NFAT5: variants seen among roughly 807,000 people sequenced by gnomAD.
The protein encoded by NFAT5 is nuclear factor of activated T-cells 5.
In NFAT5, 31 loss-of-function variants were observed where a neutral mutation model predicts 166.5. The observed-to-expected ratio is 0.19, with a 90% CI of 0.14 to 0.25. NFAT5 has a LOEUF of 0.25. NFAT5 is among the 10% of genes least tolerant of loss of function. NFAT5 has a pLI of 1.00. For missense variants in NFAT5, 1,449 were observed against 1,821.8 expected, an observed-to-expected ratio of 0.80 and a Z score of 3.72; for synonymous variants, 612 against 639.7, an observed-to-expected ratio of 0.96 and a Z score of 0.65.
chr16:69,668,047 AC>A (rs2036473616), intron 7 of NFAT5, among the ~76,000 whole-genome samples: 1 of 151,890 alleles, frequency 6.6e-6, no homozygotes, highest in South Asian at 2.1e-4. Context: ...GGTCACTGCA[AC>A]CTCTGCCTCC....
chr16:69,618,158 C>CA (rs549536024), intron 2 of NFAT5, among the ~76,000 whole-genome samples: 23,931 of 84,126 alleles, frequency 0.28, 2,266 homozygotes, highest in East Asian at 0.47. Flanking sequence ...AACTCCATCT[C>CA]AAAAAAAAAA....
intron 7 of NFAT5, among the ~76,000 whole-genome samples, chr16:69,668,447 A>G (rs1010461746): frequency 1.3e-5 from 2 of 152,188 alleles, no homozygotes; most frequent in Non-Finnish European, 2.9e-5. Context: ...ATTTCTTTGC[A>G]TATACATAAT....
intron 11 of NFAT5, among the ~76,000 whole-genome samples, chr16:69,687,655 G>T (rs1459193405): frequency 6.6e-6 from 1 of 152,002 alleles, no homozygotes; most frequent in Non-Finnish European, 1.5e-5. Context: ...TTCCAGAAAG[G>T]GGGAGAAGAT....
intron 10 of NFAT5, among the ~76,000 whole-genome samples, chr16:69,678,403 C>T (rs569246010): frequency 7.2e-5 from 11 of 151,836 alleles, no homozygotes; most frequent in Non-Finnish European, 7.4e-5. Flanking sequence ...TCAGTAGAGA[C>T]GAGGTTTCAC....
chr16:69,573,950 C>T (rs10852457), intron 2 of NFAT5, among the ~76,000 whole-genome samples: 38,695 of 150,252 alleles, frequency 0.26, 5,436 homozygotes, highest in East Asian at 0.45. Context: ...CTCAGCTCAC[C>T]GCAACTTCAC....
In NFAT5 at chr16:69,702,459, T is replaced by TTA. The variant is rs1426647867; in HGVS notation, c.*6108_*6109insTA. The TTA allele has an allele frequency of 6.6e-6, 1 of 152,264 alleles. No individual in the cohort carries two copies. Among genetic ancestry groups the TTA allele is most frequent in the Non-Finnish European group, 1.5e-5 (1 of 68,044 alleles). The allele number at this position is 152,264 out of a possible 1,614,324, so 9.4% of individuals were successfully genotyped here. A position where few individuals can be genotyped will look rare whatever the true frequency, so the allele number is the denominator to read the frequency against. Reference sequence around the variant, plus strand: ...AATTCATTAAAACCAGTTGTCTATATATTTTGTGCCATGTATATAAGAACA... The same window carrying TTA: ...AATTCATTAAAACCAGTTGTCTATATTAATTTTGTGCCATGTATATAAGAACA... On this transcript the variant is annotated 3_prime_UTR_variant, in exon 15 of 15. Coordinates refer to ENST00000349945, the MANE Select transcript of NFAT5 (RefSeq NM_138713.4).
intron 3 of NFAT5, among the ~76,000 whole-genome samples, chr16:69,634,333 A>G (rs2034859128): frequency 6.6e-6 from 1 of 151,688 alleles, no homozygotes; most frequent in African/African-American, 2.4e-5. Context: ...TTTTTTGAAT[A>G]TGAGTGGAAG....
At chr16:69,638,766 G>C (rs2151604914) in intron 3 of NFAT5, among the ~76,000 whole-genome samples, 1 of 149,290 alleles carries the variant, frequency 6.7e-6, no homozygotes, top group African/African-American at 2.4e-5. Context: ...TAAAAACATT[G>C]AAGTAGAATT....
intron 2 of NFAT5, among the ~76,000 whole-genome samples, chr16:69,609,925 G>C (rs2033626827): frequency 1.3e-5 from 2 of 151,638 alleles, no homozygotes; most frequent in Non-Finnish European, 2.9e-5. Flanking sequence ...AGGATCACTT[G>C]AGCCTGGGAG....
At chr16:69,627,583 G>A (rs2034528911) in intron 3 of NFAT5, among the ~76,000 whole-genome samples, 1 of 152,010 alleles carries the variant, frequency 6.6e-6, no homozygotes, top group East Asian at 1.9e-4. Flanking sequence ...TTTCTCATAT[G>A]CATTAACCTA....
Position 69,566,386 on chromosome 16 carries a change from T to TGTGGGGG in NFAT5, c.73+19_73+25dup. 1 of 1,196,940 alleles carries TGTGGGGG rather than the reference T, an allele frequency of 8.4e-7. No homozygotes were observed. Among genetic ancestry groups the TGTGGGGG allele is most frequent in the South Asian group, 1.3e-5 (1 of 78,872 alleles). 74.1% of individuals were successfully genotyped at this position (1,196,940 alleles called of 1,614,324 possible). On this transcript the variant is annotated intron_variant, in intron 1 of 14. Transcript: ENST00000349945. The surrounding 1 kb of genome is among the most constrained non-coding windows in gnomAD (Gnocchi z 5.7). The stretch of plus-strand genomic sequence containing the variant: ...CCTCTACTCGCGAGGTGAGTCAGGC[T>TGTGGGGG]GTGGGGGGTGGGGCGTGGGGGCGGG...
intron 7 of NFAT5, among the ~76,000 whole-genome samples, chr16:69,660,596 A>G (rs146696931): frequency 6.3e-4 from 96 of 152,316 alleles, no homozygotes; most frequent in Admixed American, 3.0e-3. Flanking sequence ...AGAAGTTTCA[A>G]TTATTAATTA....
chr16:69,660,048 T>C, intron 7 of NFAT5, 149 bp downstream of exon 7: 1 of 650,058 alleles, frequency 1.5e-6, no homozygotes, highest in Non-Finnish European at 2.5e-6. Context: ...TAGTCAGATT[T>C]TCTAGACCAA....
intron 3 of NFAT5, among the ~76,000 whole-genome samples, chr16:69,627,508 A>G (rs2034525463): frequency 6.6e-6 from 1 of 152,050 alleles, no homozygotes; most frequent in South Asian, 2.1e-4. Flanking sequence ...TCAAAATGAG[A>G]ACAGTAAAGT....
chr16:69,695,326 T>C lies in NFAT5; in HGVS notation c.4605T>C (p.Leu1535=). ...TNQNIEKIDL[L]VSLQNQGNNL... is the part of the protein sequence containing the mutation. ...AGAACATCGAAAAGATTGATTTGCT[T>C]GTTTCATTGCAAAACCAAGGGAACA... The change falls in exon 14 of 15, where the codon CTT becomes CTC. Residue 1535 remains leucine, a synonymous_variant. Transcript: ENST00000349945. 1 of 1,614,218 alleles carries C rather than the reference T, an allele frequency of 6.2e-7. No homozygotes were observed. Among genetic ancestry groups the C allele is most frequent in the Middle Eastern group, 1.6e-4 (1 of 6,062 alleles).
At chr16:69,646,134 G>C (rs900876165) in intron 3 of NFAT5, among the ~76,000 whole-genome samples, 18 of 152,148 alleles carry the variant, frequency 1.2e-4, no homozygotes, top group Non-Finnish European at 2.2e-4. Context: ...TTTAAAAAGA[G>C]AAAATGGACA....
At chr16:69,654,912 A>G (rs11864525) in intron 5 of NFAT5, among the ~76,000 whole-genome samples, 6,724 of 152,296 alleles carry the variant, frequency 0.044, 509 homozygotes, top group African/African-American at 0.15. Context: ...ATGTTTAACT[A>G]TAAGCCTCAT....
chr16:69,688,913 A>G (rs531740094), intron 11 of NFAT5, among the ~76,000 whole-genome samples: 26 of 152,318 alleles, frequency 1.7e-4, no homozygotes, highest in Admixed American at 7.8e-4. Flanking sequence ...AAAATGTTCT[A>G]TGGGATATTC....
chr16:69,568,228 G>A (rs1264484876), intron 1 of NFAT5, among the ~76,000 whole-genome samples: 7 of 152,140 alleles, frequency 4.6e-5, no homozygotes, highest in Admixed American at 3.9e-4. Context: ...GCTGAGGCAC[G>A]AGAACCACTT....
Sources: allele counts gnomAD v4.1 joint callset (sites outside exome capture counted in the v4.1 genomes callset), GRCh38; gene constraint gnomAD v4.1.1; non-coding constraint Gnocchi (gnomAD v3.1); transcripts MANE v1.5; gene names NCBI Gene and HGNC (gene_info 2026-07-23, HGNC 2026-07-21).